The following GPC5 variants were observed in gnomAD, a reference collection of about 807,000 sequenced individuals.
GPC5 encodes glypican-5.
Under a neutral mutation model 53.9 loss-of-function variants are expected in GPC5, and 47 were observed. That is an observed-to-expected ratio of 0.87 (90% CI 0.69 to 1.11). The LOEUF (loss-of-function observed/expected upper bound fraction) is 1.11, where lower values mean the gene tolerates loss of function less well. GPC5 is among the 50% of genes most tolerant of loss of function. The pLI is 0.00. For missense variants in GPC5, 748 were observed against 713.1 expected (o/e 1.05, Z -0.56); for synonymous variants, 286 against 263.3 (o/e 1.09, Z -0.84).
chr13:91,956,656 A>G (rs1368376267), intron 6 of GPC5, among the ~76,000 whole-genome samples: 1 of 152,206 alleles, frequency 6.6e-6, no homozygotes, highest in Non-Finnish European at 1.5e-5. Context: ...AGACTTTACC[A>G]CAGCTTCCTC....
At chr13:92,468,182 G>T (rs577875802) in intron 7 of GPC5, among the ~76,000 whole-genome samples, 2 of 152,186 alleles carry the variant, frequency 1.3e-5, no homozygotes, top group Non-Finnish European at 2.9e-5. Context: ...TTCAATTATG[G>T]ATTTAAGAAT....
intron 2 of GPC5, among the ~76,000 whole-genome samples, chr13:91,497,570 A>G (rs1247487213): frequency 2.0e-5 from 3 of 152,290 alleles, no homozygotes; most frequent in Non-Finnish European, 2.9e-5. Context: ...CTAACCATGC[A>G]CAAATTAGTC....
chr13:91,628,086 G>A (rs2034055180), intron 2 of GPC5, among the ~76,000 whole-genome samples: 1 of 151,946 alleles, frequency 6.6e-6, no homozygotes, highest in South Asian at 2.1e-4. Context: ...TTAATAGATA[G>A]GGCAACTTTA....
At chr13:92,523,993 T>C (rs972136264) in intron 7 of GPC5, among the ~76,000 whole-genome samples, 2 of 152,122 alleles carry the variant, frequency 1.3e-5, no homozygotes, top group African/African-American at 2.4e-5. Flanking sequence ...TTTTTGATGA[T>C]AGAGGGTCTT....
intron 6 of GPC5, among the ~76,000 whole-genome samples, chr13:92,135,837 C>G (rs1252469579): frequency 6.6e-6 from 1 of 152,126 alleles, no homozygotes; most frequent in African/African-American, 2.4e-5. Flanking sequence ...GTCTGGTCAA[C>G]TTAACATAAC....
intron 5 of GPC5, among the ~76,000 whole-genome samples, chr13:91,787,031 G>A (rs1385116569): frequency 1.3e-5 from 2 of 150,838 alleles, no homozygotes; most frequent in African/African-American, 2.4e-5. Context: ...ACAGAAATGT[G>A]ACTAATGTGT....
At chr13:92,828,293 C>G (rs1222822155) in intron 7 of GPC5, among the ~76,000 whole-genome samples, 1 of 152,114 alleles carries the variant, frequency 6.6e-6, no homozygotes, top group Non-Finnish European at 1.5e-5. Context: ...AACATTCCAC[C>G]CTGTTTTATG....
chr13:92,128,548 T>C (rs1418030800), intron 6 of GPC5, among the ~76,000 whole-genome samples: 7 of 152,244 alleles, frequency 4.6e-5, no homozygotes, highest in Non-Finnish European at 1.0e-4. Context: ...AGAATGATTG[T>C]TATACCAACA....
intron 6 of GPC5, among the ~76,000 whole-genome samples, chr13:92,077,988 TACA>T (rs1369508929): frequency 6.6e-6 from 1 of 151,910 alleles, no homozygotes; most frequent in South Asian, 2.1e-4. Context: ...TAGATATACA[TACA>T]TACATACAGG....
At chr13:92,593,109 G>C (rs1030096587) in intron 7 of GPC5, among the ~76,000 whole-genome samples, 1 of 151,200 alleles carries the variant, frequency 6.6e-6, no homozygotes, top group Non-Finnish European at 1.5e-5. Flanking sequence ...GCAGATCAGA[G>C]AGATTCAGCA....
chr13:92,583,916 C>T (rs1348986177), intron 7 of GPC5, among the ~76,000 whole-genome samples: 1 of 152,144 alleles, frequency 6.6e-6, no homozygotes, highest in Non-Finnish European at 1.5e-5. Context: ...CACAAGCTCT[C>T]TCTCTGCCTG....
chr13:92,244,638 G>A (rs141050879), intron 7 of GPC5, among the ~76,000 whole-genome samples: 19 of 151,862 alleles, frequency 1.3e-4, no homozygotes, highest in Non-Finnish European at 1.6e-4. Flanking sequence ...TTTAATTTTT[G>A]TACTCCCAAA....
intron 2 of GPC5, among the ~76,000 whole-genome samples, chr13:91,474,735 G>C (rs547370146): frequency 6.6e-6 from 1 of 152,142 alleles, no homozygotes; most frequent in South Asian, 2.1e-4. Flanking sequence ...GTTTTCAGAG[G>C]CTACCTCAAA....
intron 7 of GPC5, among the ~76,000 whole-genome samples, chr13:92,337,650 C>T (rs2043334142): frequency 6.6e-6 from 1 of 152,020 alleles, no homozygotes; most frequent in Non-Finnish European, 1.5e-5. Flanking sequence ...AGAAATTGAC[C>T]CACATGAATA....
intron 7 of GPC5, among the ~76,000 whole-genome samples, chr13:92,370,619 A>G (rs1441312840): frequency 1.3e-5 from 2 of 152,106 alleles, no homozygotes; most frequent in Non-Finnish European, 2.9e-5. Flanking sequence ...TCACTTCCAT[A>G]TATGATTGAA....
At chr13:92,349,532 A>C (rs1439788801) in intron 7 of GPC5, among the ~76,000 whole-genome samples, 1 of 151,770 alleles carries the variant, frequency 6.6e-6, no homozygotes, top group Non-Finnish European at 1.5e-5. Flanking sequence ...GAGAAAAAAG[A>C]CTCAAGTAAA....
chr13:92,030,146 G>T (rs1206465600), intron 6 of GPC5, among the ~76,000 whole-genome samples: 1 of 151,862 alleles, frequency 6.6e-6, no homozygotes, highest in Non-Finnish European at 1.5e-5. Flanking sequence ...AGAAAAGAAG[G>T]GTATTAATTG....
chr13:92,793,726 C>T (rs1340213481), intron 7 of GPC5, among the ~76,000 whole-genome samples: 1 of 152,090 alleles, frequency 6.6e-6, no homozygotes, highest in Non-Finnish European at 1.5e-5. Context: ...CACAGAAATA[C>T]AAACTACCAT....
chr13:91,418,397 C>T (rs1385101707), intron 1 of GPC5, among the ~76,000 whole-genome samples: 1 of 152,058 alleles, frequency 6.6e-6, no homozygotes, highest in Non-Finnish European at 1.5e-5. Flanking sequence ...TATGCATTTA[C>T]CAAGGAGTGC....
Sources: gnomAD v4.1 joint callset for allele counts (sites outside exome capture counted in the v4.1 genomes callset) on GRCh38, gnomAD v4.1.1 for gene constraint, MANE v1.5 for transcripts, NCBI Gene and HGNC (gene_info 2026-07-23, HGNC 2026-07-21) for gene names.